MTAP: variants seen among roughly 807,000 people sequenced by gnomAD.
The protein encoded by MTAP is methylthioadenosine phosphorylase, also known as S-methyl-5'-thioadenosine phosphorylase.
Under a neutral mutation model 33.6 loss-of-function variants are expected in MTAP, and 33 were observed. The ratio of observed to expected loss-of-function variants is 0.98; its 90% CI spans 0.74 to 1.31. The LOEUF (loss-of-function observed/expected upper bound fraction) is 1.31, where lower values mean the gene tolerates loss of function less well. Among genes scored for constraint, MTAP ranks in the 40% most tolerant of loss-of-function variants. The pLI is 0.00. For missense variants in MTAP, 367 were observed against 360.0 expected, an observed-to-expected ratio of 1.02 and a Z score of -0.16; for synonymous variants, 148 against 125.7, an observed-to-expected ratio of 1.18 and a Z score of -1.19.
downstream of MTAP, among the ~76,000 whole-genome samples, chr9:21,940,755 T>G (rs1819125150): frequency 2.0e-5 from 3 of 152,302 alleles, no homozygotes; most frequent in African/African-American, 7.2e-5. Flanking sequence ...CTTCTCCAGG[T>G]GCACCATCAT....
intron 3 of MTAP, 122 bp downstream of exon 3, chr9:21,816,894 A>G: frequency 1.3e-6 from 1 of 765,134 alleles, no homozygotes; most frequent in Non-Finnish European, 2.1e-6. Flanking sequence ...AGAACATCTT[A>G]GTAACCTTTA....
At chr9:21,894,751 AATATAT>A (rs564121129) in intron 1 of MTAP, among the ~76,000 whole-genome samples, 1 of 151,634 alleles carries the variant, frequency 6.6e-6, no homozygotes, top group Non-Finnish European at 1.5e-5. Flanking sequence ...GTAATTAAAA[AATATAT>A]ATATATAAAA....
chr9:21,872,641 A>G (rs1825954017), intron 1 of MTAP, among the ~76,000 whole-genome samples: 1 of 152,214 alleles, frequency 6.6e-6, no homozygotes, highest in East Asian at 1.9e-4. Flanking sequence ...AGTATCTTCC[A>G]ATAGTCAAGC....
chr9:21,816,555 T>C (rs1224558945), intron 2 of MTAP, among the ~76,000 whole-genome samples, 159 bp from the exon 3 acceptor site: 1 of 152,214 alleles, frequency 6.6e-6, no homozygotes, highest in Non-Finnish European at 1.5e-5. Context: ...CAATAAGTAA[T>C]TGATTAAATG....
intron 1 of MTAP, among the ~76,000 whole-genome samples, chr9:21,903,124 T>C (rs1460916040): frequency 6.6e-6 from 1 of 152,178 alleles, no homozygotes; most frequent in Non-Finnish European, 1.5e-5. Flanking sequence ...TCCGGCTGCT[T>C]TCTGTAGCAT....
At chr9:21,851,275 C>A (rs1825504713) in intron 5 of MTAP, among the ~76,000 whole-genome samples, 1 of 152,196 alleles carries the variant, frequency 6.6e-6, no homozygotes, top group Non-Finnish European at 1.5e-5. Flanking sequence ...TCATCGATAC[C>A]AGCTACAACC....
At chr9:21,884,906 CAATTAGT>C (rs1818084941) in intron 1 of MTAP, among the ~76,000 whole-genome samples, 1 of 152,046 alleles carries the variant, frequency 6.6e-6, no homozygotes, top group Non-Finnish European at 1.5e-5. Context: ...GTTGCATACA[CAATTAGT>C]AAAACTGTAG....
downstream of MTAP, among the ~76,000 whole-genome samples, chr9:21,869,746 T>C (rs1825909116): frequency 6.6e-6 from 1 of 152,204 alleles, no homozygotes; most frequent in Admixed American, 6.5e-5. Context: ...TCATTACAGC[T>C]ACTGCTTCCA....
chr9:21,811,665 C>T, intron 1 of MTAP: 1 of 527,962 alleles, frequency 1.9e-6, no homozygotes, highest in Non-Finnish European at 3.9e-6. Context: ...TCCTCCTCAG[C>T]CGTGGCCTCC....
intron 1 of MTAP, among the ~76,000 whole-genome samples, chr9:21,903,898 A>G (rs978715436): frequency 3.9e-5 from 6 of 152,312 alleles, no homozygotes; most frequent in African/African-American, 1.2e-4. Flanking sequence ...TGTTAGCTCA[A>G]GTAGACCCCC....
At chr9:21,804,782 A>G (rs1012937875) in intron 1 of MTAP, among the ~76,000 whole-genome samples, 22 of 152,230 alleles carry the variant, frequency 1.4e-4, no homozygotes, top group African/African-American at 5.3e-4. Flanking sequence ...GCGGGTGTAA[A>G]GTTGAGGCCC....
In MTAP at chr9:21,865,281, A is replaced by G. The variant is rs1825835166; in HGVS notation, c.*3267A>G. On this transcript the variant is annotated 3_prime_UTR_variant, in exon 8 of 8. Transcript: ENST00000644715. ...CTTTTGCTCAACACTTCTTCCTGCC[A>G]TCATGTGAAGAAGGACGTGTTTGTT... is the stretch of plus-strand genomic sequence containing the variant. 3 of 441,514 alleles carry G rather than the reference A, an allele frequency of 6.8e-6. No homozygotes were observed. In the Admixed American group the frequency reaches 1.9e-4, roughly 28 times the overall value. The allele number at this position is 441,514 out of a possible 1,614,324, so 27.3% of individuals were successfully genotyped here.
At chr9:21,920,923 C>G (rs954599069) in intron 1 of MTAP, among the ~76,000 whole-genome samples, 1 of 152,046 alleles carries the variant, frequency 6.6e-6, no homozygotes, top group Non-Finnish European at 1.5e-5. Flanking sequence ...TAATGCTGAC[C>G]TTGTAGAAAG....
At chr9:21,872,182 A>C (rs1825947398) in intron 1 of MTAP, among the ~76,000 whole-genome samples, 1 of 152,094 alleles carries the variant, frequency 6.6e-6, no homozygotes, top group Admixed American at 6.5e-5. Context: ...GCATGATGGT[A>C]GGCACCTGTA....
At chr9:21,859,207 A>T in intron 6 of MTAP, 96 bp from the exon 7 acceptor site, 1 of 1,511,056 alleles carries the variant, frequency 6.6e-7, no homozygotes, top group Non-Finnish European at 8.9e-7. Flanking sequence ...GGACACAAAC[A>T]TTTAGGCTGT....
chr9:21,897,299 C>T (rs928640965), intron 1 of MTAP, among the ~76,000 whole-genome samples: 2 of 152,168 alleles, frequency 1.3e-5, no homozygotes, highest in African/African-American at 4.8e-5. Flanking sequence ...AAACTGGAAG[C>T]ATTCCCTTTG....
rs1181166837 is a variant in MTAP at position 21,922,753 on chromosome 9, G to A, written c.148-8255G>A. Among the ~76,000 whole-genome samples the A allele has an allele frequency of 6.6e-6, 1 of 152,110 alleles. No homozygotes were observed. Among genetic ancestry groups the A allele is most frequent in the East Asian group, 1.9e-4 (1 of 5,184 alleles). ...CCCAGAACTATTACTCTCAGCCACA[G>A]TGGCTCTGCACCCGCTGGCTGATCT... On this transcript the variant is annotated intron_variant, in intron 1 of 1. Transcript: ENST00000577563. The surrounding 1 kb of genome is among the most constrained non-coding windows in gnomAD (Gnocchi z 4.8).
intron 1 of MTAP, among the ~76,000 whole-genome samples, chr9:21,889,560 T>A (rs1818165560): frequency 6.6e-6 from 1 of 152,128 alleles, no homozygotes; most frequent in Non-Finnish European, 1.5e-5. Flanking sequence ...CTGTTCAGAT[T>A]CTCTTGTCCC....
At chr9:21,823,312 G>A (rs897495243) in intron 4 of MTAP, among the ~76,000 whole-genome samples, 2 of 152,126 alleles carry the variant, frequency 1.3e-5, no homozygotes, top group African/African-American at 4.8e-5. Flanking sequence ...AGGCATGGTG[G>A]TGACAAAATC....
Sources: allele counts gnomAD v4.1 joint callset (sites outside exome capture counted in the v4.1 genomes callset), GRCh38; gene constraint gnomAD v4.1.1; non-coding constraint Gnocchi (gnomAD v3.1); transcripts MANE v1.5; gene names NCBI Gene and HGNC (gene_info 2026-07-23, HGNC 2026-07-21).